The following ABCB5 variants were observed in gnomAD, a reference collection of about 807,000 sequenced individuals.
ABCB5 encodes the protein ATP binding cassette subfamily B member 5.
ABCB5 carries 155 observed loss-of-function variants against 144.2 expected under a neutral mutation model. The ratio of observed to expected loss-of-function variants is 1.08; its 90% CI spans 0.94 to 1.23. The LOEUF (loss-of-function observed/expected upper bound fraction) is 1.23, where lower values mean the gene tolerates loss of function less well. Among genes scored for constraint, ABCB5 ranks in the 50% most tolerant of loss-of-function variants. The probability of loss-of-function intolerance (pLI) is 0.00; values close to 1 mark genes in which losing one functional copy is unlikely to be tolerated. For missense variants in ABCB5, 1,830 were observed against 1,520.8 expected, an observed-to-expected ratio of 1.20 and a Z score of -3.38; for synonymous variants, 610 against 528.6, an observed-to-expected ratio of 1.15 and a Z score of -2.11.
Position 20,677,765 on chromosome 7 carries a change from C to G in ABCB5, c.1708-3740C>G, listed in dbSNP as rs185324405. ...AATTAATTTAGTTTATAAAAGTACC[C>G]TTTGCCCCTCTTTCTACCTAGTCCC... On this transcript the variant is annotated intron_variant, in intron 14 of 27. Coordinates refer to ENST00000404938, the MANE Select transcript of ABCB5 (RefSeq NM_001163941.2). Among the ~76,000 whole-genome samples the G allele has an allele frequency of 8.9e-4, 135 of 152,168 alleles. 1 individual carries two copies. The highest frequency in any genetic ancestry group is 2.6e-3 in the Admixed American group (39 of 15,274).
At chr7:20,719,840 CT>C (rs1367068533) in intron 20 of ABCB5, among the ~76,000 whole-genome samples, 2 of 151,994 alleles carry the variant, frequency 1.3e-5, no homozygotes, top group Non-Finnish European at 2.9e-5. Context: ...TGGAAATAAC[CT>C]TACAATGTTG....
rs149099912 is a variant in ABCB5 at position 20,630,564 on chromosome 7, G to T, written c.260-1495G>T. On this transcript the variant is annotated intron_variant, in intron 4 of 27. Coordinates refer to ENST00000404938, the MANE Select transcript of ABCB5 (RefSeq NM_001163941.2). ...TTTTAATAATATGAACAAAATTAAG[G>T]ATATAAGTGAAAATCTGATATATTA... Among the ~76,000 whole-genome samples, 87 of 152,130 alleles carry T rather than the reference G, an allele frequency of 5.7e-4. No individual in the cohort carries two copies. In the East Asian group the frequency reaches 0.012, roughly 22 times the overall value.
At chr7:20,620,575 T>G (rs1313488746) in intron 1 of ABCB5, among the ~76,000 whole-genome samples, 1 of 151,880 alleles carries the variant, frequency 6.6e-6, no homozygotes, top group African/African-American at 2.4e-5. Flanking sequence ...AATTTTAAAA[T>G]GGGCAACAGA....
intron 23 of ABCB5, among the ~76,000 whole-genome samples, chr7:20,729,296 T>C (rs1435513250): frequency 6.6e-6 from 1 of 152,222 alleles, no homozygotes; most frequent in Non-Finnish European, 1.5e-5. Flanking sequence ...TATGCCTTCT[T>C]GTCATTCATC....
chr7:20,698,262 T>C (rs1786491304), intron 16 of ABCB5, 145 bp from the exon 17 acceptor site: 2 of 639,266 alleles, frequency 3.1e-6, no homozygotes, highest in Non-Finnish European at 4.7e-6. Context: ...ATACGGGCAG[T>C]GAATTTTTTA....
At chr7:20,725,560 C>G (rs999575073) in intron 21 of ABCB5, among the ~76,000 whole-genome samples, 1 of 152,206 alleles carries the variant, frequency 6.6e-6, no homozygotes, top group Non-Finnish European at 1.5e-5. Flanking sequence ...GCCTGGGCAA[C>G]AGAGCAAGAC....
chr7:20,713,559 C>G lies in ABCB5; in HGVS notation c.2421+8752C>G, dbSNP rs578071475. ...CCCCCTGCCAATTTCTGACTGGATG[C>G]TACACATTGTGAATTTAAAATTTTT... On this transcript the variant is annotated intron_variant, in intron 20 of 27. Coordinates refer to ENST00000404938, the MANE Select transcript of ABCB5 (RefSeq NM_001163941.2). 4.5e-4 allele frequency among the ~76,000 whole-genome samples: 67 copies of G among 149,870 alleles called. 5 individuals carry two copies. Among genetic ancestry groups the G allele is most frequent in the African/African-American group, 1.6e-3 (67 of 40,632 alleles).
chr7:20,703,552 C>T (rs1474460736), intron 19 of ABCB5, among the ~76,000 whole-genome samples: 2 of 152,190 alleles, frequency 1.3e-5, no homozygotes, highest in African/African-American at 2.4e-5. Flanking sequence ...CCTCAACCTG[C>T]TATGCCTTTG....
intron 11 of ABCB5, among the ~76,000 whole-genome samples, 158 bp from the exon 12 acceptor site, chr7:20,649,864 G>A (rs1466972071): frequency 1.3e-5 from 2 of 152,094 alleles, no homozygotes; most frequent in Non-Finnish European, 2.9e-5. Flanking sequence ...AAATTATTCA[G>A]GCTATTACTA....
intron 5 of ABCB5, among the ~76,000 whole-genome samples, chr7:20,640,705 T>G (rs1784278201): frequency 6.6e-6 from 1 of 152,132 alleles, no homozygotes; most frequent in Non-Finnish European, 1.5e-5. Flanking sequence ...TGCATGTCCA[T>G]AAATAACCAT....
intron 20 of ABCB5, among the ~76,000 whole-genome samples, chr7:20,708,946 T>C (rs1786916035): frequency 6.6e-6 from 1 of 152,226 alleles, no homozygotes; most frequent in Non-Finnish European, 1.5e-5. Flanking sequence ...CAGAAACTAT[T>C]TATAGTGCCT....
chr7:20,646,348 G>C (rs1583390158), intron 9 of ABCB5, among the ~76,000 whole-genome samples: 1 of 152,308 alleles, frequency 6.6e-6, no homozygotes, highest in East Asian at 1.9e-4. Context: ...TCCTCGCTGT[G>C]TCAAGCATCT....
intron 13 of ABCB5, among the ~76,000 whole-genome samples, chr7:20,653,106 C>T (rs1223099776): frequency 6.6e-6 from 1 of 152,122 alleles, no homozygotes; most frequent in Non-Finnish European, 1.5e-5. Flanking sequence ...ACTTCCTTTC[C>T]TTAAAACATC....
At chr7:20,623,172 A>G in intron 1 of ABCB5, 93 bp from the exon 2 acceptor site, 2 of 767,448 alleles carry the variant, frequency 2.6e-6, no homozygotes, top group Non-Finnish European at 4.3e-6. Flanking sequence ...CCTTTTTCAA[A>G]CTGTGAGAGA....
chr7:20,695,905 A>G (rs1786397768), intron 16 of ABCB5, among the ~76,000 whole-genome samples: 1 of 152,018 alleles, frequency 6.6e-6, no homozygotes, highest in South Asian at 2.1e-4. Context: ...AAATCTAAAG[A>G]GACTGACAGT....
chr7:20,745,227 G>C lies in ABCB5; in HGVS notation c.3223-5G>C. The stretch of plus-strand genomic sequence containing the variant: ...ACACACCATTCTCCAATCTGCTTTT[G>C]GCAGCTGTTTGATGGTGTGGATGCA... On this transcript the variant is annotated splice_polypyrimidine_tract_variant and splice_region_variant and intron_variant, in intron 25 of 27. Coordinates refer to ENST00000404938, the MANE Select transcript of ABCB5 (RefSeq NM_001163941.2). 6.2e-7 allele frequency: 1 copy of C among 1,613,800 alleles called. No individual in the cohort carries two copies. The highest frequency in any genetic ancestry group is 8.5e-7 in the Non-Finnish European group (1 of 1,179,826).
chr7:20,728,303 TG>T lies in ABCB5; in HGVS notation c.2727-11del. On this transcript the variant is annotated splice_polypyrimidine_tract_variant and intron_variant, in intron 22 of 27. Coordinates refer to ENST00000404938, the MANE Select transcript of ABCB5 (RefSeq NM_001163941.2). ...TCATGCCTCATTATTTGGTAAATTT[TG>T]TACATTCCAGAAATACCTCGAAGAA... 1 of 1,613,410 alleles carries T rather than the reference TG, an allele frequency of 6.2e-7. No individual in the cohort carries two copies.
intron 26 of ABCB5, 143 bp downstream of exon 26, chr7:20,745,581 A>G (rs140006090): frequency 3.9e-5 from 35 of 888,248 alleles, no homozygotes; most frequent in Non-Finnish European, 5.3e-5. Context: ...TAAAACATGA[A>G]GTCAGATGCG....
intron 1 of ABCB5, among the ~76,000 whole-genome samples, chr7:20,621,088 C>T (rs1783796537): frequency 1.3e-5 from 2 of 152,036 alleles, no homozygotes; most frequent in East Asian, 1.9e-4. Context: ...AATTGTGATA[C>T]ATTGATGAAC....
Sources: gnomAD v4.1 joint callset for allele counts (sites outside exome capture counted in the v4.1 genomes callset) on GRCh38, gnomAD v4.1.1 for gene constraint, MANE v1.5 for transcripts, NCBI Gene and HGNC (gene_info 2026-07-23, HGNC 2026-07-21) for gene names.